PEAK1: variants seen among roughly 807,000 people sequenced by gnomAD.
The protein encoded by PEAK1 is pseudopodium enriched atypical kinase 1.
In PEAK1, 54 loss-of-function variants were observed where a neutral mutation model predicts 124.7. The ratio of observed to expected loss-of-function variants is 0.43; its 90% CI spans 0.35 to 0.54. The LOEUF (loss-of-function observed/expected upper bound fraction) is 0.54. PEAK1 is among the 20% of genes least tolerant of loss of function. The pLI is 0.01. For missense variants in PEAK1, 2,046 were observed against 2,134.5 expected (o/e 0.96, Z 0.82); for synonymous variants, 719 against 760.0 (o/e 0.95, Z 0.89).
chr15:77,346,485 A>G (rs1053004737), intron 2 of PEAK1: 54 of 985,300 alleles, frequency 5.5e-5, no homozygotes, highest in Non-Finnish European at 1.9e-5. Flanking sequence ...GTTAGAAGCC[A>G]ATTTTCCTAC....
At chr15:77,201,626 T>TA (rs903071515) in intron 6 of PEAK1, among the ~76,000 whole-genome samples, 3 of 152,044 alleles carry the variant, frequency 2.0e-5, no homozygotes, top group Non-Finnish European at 2.9e-5. Context: ...ATTTACCTCA[T>TA]AAAAAAATGA....
intron 5 of PEAK1, among the ~76,000 whole-genome samples, chr15:77,259,163 C>T (rs1003127242): frequency 1.3e-5 from 2 of 152,056 alleles, no homozygotes; most frequent in Non-Finnish European, 2.9e-5. Flanking sequence ...ATAACACTTA[C>T]CAAATTTCTA....
intron 2 of PEAK1, among the ~76,000 whole-genome samples, chr15:77,289,214 C>A (rs1234615076): frequency 1.3e-5 from 2 of 152,206 alleles, no homozygotes; most frequent in Admixed American, 6.5e-5. Flanking sequence ...CTTTTAGTCA[C>A]TTCCCTGCAT....
At chr15:77,234,731 G>C (rs1204848977) in intron 6 of PEAK1, among the ~76,000 whole-genome samples, 1 of 151,874 alleles carries the variant, frequency 6.6e-6, no homozygotes, top group Non-Finnish European at 1.5e-5. Flanking sequence ...GAATTCCTGG[G>C]CTCAAGAGAT....
chr15:77,101,612 G>C (rs1001337625), exon 7 of PEAK1: 7 of 152,226 alleles, frequency 4.6e-5, no homozygotes, highest in African/African-American at 1.7e-4. Flanking sequence ...GACACAGTTT[G>C]TCAGAGGTGG....
At chr15:77,280,727 ATTC>A (rs1013467462) in intron 5 of PEAK1, among the ~76,000 whole-genome samples, 7 of 152,112 alleles carry the variant, frequency 4.6e-5, no homozygotes, top group African/African-American at 1.2e-4. Context: ...GGCTTGCAAT[ATTC>A]TTCTTATTGG....
intron 6 of PEAK1, among the ~76,000 whole-genome samples, chr15:77,225,574 AGGT>A (rs139313208): frequency 0.022 from 3,269 of 147,956 alleles, 100 homozygotes; most frequent in African/African-American, 0.07. Flanking sequence ...TTTTCCTATA[AGGT>A]GTTCTGGTCC....
chr15:77,366,488 A>G (rs1248884766), intron 1 of PEAK1, among the ~76,000 whole-genome samples: 3 of 151,958 alleles, frequency 2.0e-5, no homozygotes, highest in African/African-American at 4.8e-5. Flanking sequence ...ATATAATATT[A>G]TAATAATGTA....
intron 2 of PEAK1, among the ~76,000 whole-genome samples, chr15:77,355,132 C>T (rs2067440429): frequency 6.6e-6 from 1 of 151,574 alleles, no homozygotes; most frequent in African/African-American, 2.4e-5. Context: ...TCTGGAAGCA[C>T]ACTACCTAGA....
chr15:77,132,895 A>T, intron 9 of PEAK1, 110 bp downstream of exon 9: 1 of 1,108,736 alleles, frequency 9.0e-7, no homozygotes, highest in Non-Finnish European at 1.3e-6. Flanking sequence ...GATGCTCAAT[A>T]ATTTGCTGAA....
chr15:77,123,649 G>A (rs923462854), intron 9 of PEAK1, among the ~76,000 whole-genome samples: 1 of 152,172 alleles, frequency 6.6e-6, no homozygotes, highest in Non-Finnish European at 1.5e-5. Flanking sequence ...ATTTAGATAT[G>A]AGGATTTAGT....
chr15:77,298,064 C>CAAAA lies in PEAK1; in HGVS notation c.-602-11564_-602-11561dup, dbSNP rs771222323. On this transcript the variant is annotated intron_variant, in intron 2 of 9. Coordinates refer to ENST00000682557, the MANE Select transcript of PEAK1 (RefSeq NM_001385026.1). ...TGGGCGACAGGGCGAGACTCCGTCT[C>CAAAA]AAAAAAAAAAAAAAAAAAAAAAAAA... Among the ~76,000 whole-genome samples, 12 of 31,562 alleles carry CAAAA rather than the reference C, an allele frequency of 3.8e-4. 2 individuals are homozygous for CAAAA. In the East Asian group the frequency reaches 9.3e-3, roughly 25 times the overall value. 20.7% of individuals were successfully genotyped at this position (31,562 alleles called of 152,430 possible). A position where few individuals can be genotyped will look rare whatever the true frequency, so the allele number is the denominator to read the frequency against.
intron 2 of PEAK1, among the ~76,000 whole-genome samples, chr15:77,304,774 C>A (rs2063993373): frequency 6.6e-6 from 1 of 152,116 alleles, no homozygotes; most frequent in Non-Finnish European, 1.5e-5. Context: ...CTTTCATTTA[C>A]ACCTAAATAT....
At chr15:77,221,717 T>C (rs2059400217) in intron 6 of PEAK1, among the ~76,000 whole-genome samples, 1 of 152,126 alleles carries the variant, frequency 6.6e-6, no homozygotes, top group Non-Finnish European at 1.5e-5. Context: ...TTAAAAACCA[T>C]TATAGCCTAT....
At chr15:77,332,774 AT>A (rs1194470016) in intron 2 of PEAK1, among the ~76,000 whole-genome samples, 1 of 151,802 alleles carries the variant, frequency 6.6e-6, no homozygotes, top group Non-Finnish European at 1.5e-5. Context: ...GTACCTTATT[AT>A]TTTCCATTTC....
At chr15:77,101,567 T>A (rs1467467137) in exon 7 of PEAK1, 1 of 152,154 alleles carries the variant, frequency 6.6e-6, no homozygotes, top group Non-Finnish European at 1.5e-5. Context: ...GAGGTAGGAA[T>A]CCCCATCAAA....
chr15:77,333,197 C>A, intron 2 of PEAK1: 1 of 921,232 alleles, frequency 1.1e-6, no homozygotes, highest in Non-Finnish European at 1.3e-6. Flanking sequence ...ATTGCTCAGG[C>A]TGGTCTTGAA....
chr15:77,293,335 T>C (rs2063320254), intron 2 of PEAK1, among the ~76,000 whole-genome samples: 2 of 152,242 alleles, frequency 1.3e-5, no homozygotes, highest in African/African-American at 4.8e-5. Flanking sequence ...ACCACATTTT[T>C]TGATATATAT....
chr15:77,250,088 A>G (rs1472655775), intron 6 of PEAK1, among the ~76,000 whole-genome samples: 1 of 149,766 alleles, frequency 6.7e-6, no homozygotes. Flanking sequence ...CAATAATGCC[A>G]CAAGTAGAGG....
Sources: gnomAD v4.1 joint callset for allele counts (sites outside exome capture counted in the v4.1 genomes callset) on GRCh38, gnomAD v4.1.1 for gene constraint, MANE v1.5 for transcripts, NCBI Gene and HGNC (gene_info 2026-07-23, HGNC 2026-07-21) for gene names.